The following DHCR24 variants were observed in gnomAD, a reference collection of about 807,000 sequenced individuals.
The protein encoded by DHCR24 is 24-dehydrocholesterol reductase, also known as delta(24)-sterol reductase.
A neutral mutation model predicts 61.2 loss-of-function variants in DHCR24; 28 were observed. That is an observed-to-expected ratio of 0.46 (90% confidence interval 0.34 to 0.63). DHCR24 has a LOEUF of 0.63. Ranked by LOEUF, DHCR24 falls within the 20% of genes least tolerant of loss-of-function variation. The pLI is 0.01. For synonymous variants in DHCR24, 261 were observed against 275.9 expected (o/e 0.95, Z 0.54); for missense variants, 538 against 679.1 (o/e 0.79, Z 2.31).
At chr1:54,881,132 A>T (rs1210486201) in intron 2 of DHCR24, among the ~76,000 whole-genome samples, 1 of 152,264 alleles carries the variant, frequency 6.6e-6, no homozygotes, top group Non-Finnish European at 1.5e-5. Flanking sequence ...CCAGGGCGAC[A>T]GAGTGAAACT....
At position 54,851,794 on chromosome 1, in the gene DHCR24, C is replaced by T. The variant is rs1216073602; in HGVS notation, c.*439G>A. 2 of 205,934 alleles carry T rather than the reference C, an allele frequency of 9.7e-6. No homozygotes were observed. Among genetic ancestry groups the T allele is most frequent in the African/African-American group, 4.7e-5 (2 of 42,948 alleles). The allele number at this position is 205,934 out of a possible 1,614,324, so 12.8% of individuals were successfully genotyped here. On this transcript the variant is annotated 3_prime_UTR_variant, in exon 9 of 9. Transcript: ENST00000371269. ...TCCAGCCATGGCTGTGCACAGGTGACCTAATGTGGAGCCTTTTCAGGCTCC... is the reference window on the plus strand; with the variant it reads ...TCCAGCCATGGCTGTGCACAGGTGATCTAATGTGGAGCCTTTTCAGGCTCC...
chr1:54,862,691 C>T (rs529826132), intron 6 of DHCR24, among the ~76,000 whole-genome samples: 3 of 152,246 alleles, frequency 2.0e-5, no homozygotes, highest in South Asian at 2.1e-4. Flanking sequence ...CCTGAAGTCC[C>T]GACACACGTC....
intron 2 of DHCR24, among the ~76,000 whole-genome samples, 169 bp from the exon 3 acceptor site, chr1:54,876,216 G>A (rs1447638327): frequency 6.6e-6 from 1 of 152,202 alleles, no homozygotes; most frequent in Non-Finnish European, 1.5e-5. Flanking sequence ...TACAGGGAAT[G>A]TGATTTCTGG....
chr1:54,853,387 C>A, intron 8 of DHCR24, 47 bp downstream of exon 8: 1 of 1,612,534 alleles, frequency 6.2e-7, no homozygotes, highest in Non-Finnish European at 8.5e-7. Context: ...GAGCAGTACC[C>A]TGGGGCTGTC....
At chr1:54,853,305 G>A (rs1290575453) in intron 8 of DHCR24, 129 bp downstream of exon 8, 14 of 1,209,394 alleles carry the variant, frequency 1.2e-5, no homozygotes, top group Non-Finnish European at 1.7e-5. Flanking sequence ...TGCCACAGCT[G>A]CAGGGGCCCT....
chr1:54,858,164 C>T (rs1038204604), intron 6 of DHCR24, among the ~76,000 whole-genome samples: 3 of 152,264 alleles, frequency 2.0e-5, no homozygotes, highest in African/African-American at 7.2e-5. Flanking sequence ...GGGAGGCACC[C>T]GTTCCCCCAG....
intron 6 of DHCR24, among the ~76,000 whole-genome samples, chr1:54,862,772 A>G (rs1646945625): frequency 6.6e-6 from 1 of 151,812 alleles, no homozygotes; most frequent in Admixed American, 6.6e-5. Flanking sequence ...CCCCTCCCCC[A>G]TGTTTCAAAT....
chr1:54,864,176 A>G (rs1179120194), intron 6 of DHCR24, among the ~76,000 whole-genome samples: 1 of 152,222 alleles, frequency 6.6e-6, no homozygotes, highest in African/African-American at 2.4e-5. Flanking sequence ...GAATTAGCAT[A>G]TGACCCAGCA....
Position 54,876,077 on chromosome 1 carries a change from C to A in DHCR24, c.388-30G>T. 1.9e-6 allele frequency: 3 copies of A among 1,585,472 alleles called. No individual in the cohort carries two copies. In the South Asian group the frequency reaches 3.3e-5, roughly 18 times the overall value. ...TGACACAAGAAAAGAGACCCTGGGTCAAAAGGAGGCTGCCAGGCCCAAGGG... is the reference window on the plus strand; with the variant it reads ...TGACACAAGAAAAGAGACCCTGGGTAAAAAGGAGGCTGCCAGGCCCAAGGG... On this transcript the variant is annotated intron_variant, in intron 2 of 8. Transcript: ENST00000371269.
At position 54,886,617 on chromosome 1, in the gene DHCR24, C is replaced by G. The variant is rs773494256; in HGVS notation, c.231+272G>C. 1.3e-5 allele frequency: 19 copies of G among 1,469,124 alleles called. No individual in the cohort carries two copies. In the South Asian group the frequency reaches 2.3e-4, roughly 18 times the overall value. 91.0% of individuals were successfully genotyped at this position (1,469,124 alleles called of 1,614,324 possible). A position where few individuals can be genotyped will look rare whatever the true frequency, so the allele number is the denominator to read the frequency against. Reference sequence around the variant, plus strand: ...AAATGCTTGGGCCGGGTGAGAGTTACCTGAGTGCTTCGCACCTCCCCCTCT... The same window carrying G: ...AAATGCTTGGGCCGGGTGAGAGTTAGCTGAGTGCTTCGCACCTCCCCCTCT... On this transcript the variant is annotated intron_variant, in intron 1 of 8. Transcript: ENST00000371269.
At chr1:54,879,027 T>G (rs1456091178) in intron 2 of DHCR24, among the ~76,000 whole-genome samples, 1 of 152,102 alleles carries the variant, frequency 6.6e-6, no homozygotes, top group East Asian at 1.9e-4. Context: ...AAGAATATAT[T>G]AAAAAGATCC....
chr1:54,871,240 C>A (rs953488049), intron 5 of DHCR24, 110 bp downstream of exon 5: 2 of 1,400,228 alleles, frequency 1.4e-6, no homozygotes, highest in Non-Finnish European at 2.0e-6. Context: ...TTGACCCAGG[C>A]AGCAGCCTTG....
intron 1 of DHCR24, chr1:54,886,596 G>A: frequency 7.0e-7 from 1 of 1,434,046 alleles, no homozygotes; most frequent in African/African-American, 1.4e-5. Flanking sequence ...TCTCTGAAAT[G>A]CTTGGGCCGG....
chr1:54,875,059 G>A, intron 4 of DHCR24, 34 bp downstream of exon 4: 1 of 1,578,948 alleles, frequency 6.3e-7, no homozygotes, highest in Non-Finnish European at 8.7e-7. Context: ...GCCCAGAGCA[G>A]GCTGGCATGG....
rs547267680 is a variant in DHCR24, at chr1:54,886,639, C to G, written c.231+250G>C. On this transcript the variant is annotated intron_variant, in intron 1 of 8. Transcript: ENST00000371269. Reference sequence around the variant, plus strand: ...TTACCTGAGTGCTTCGCACCTCCCCCTCTTCCCCTTCTTCATCTCCCTCCA... The same window carrying G: ...TTACCTGAGTGCTTCGCACCTCCCCGTCTTCCCCTTCTTCATCTCCCTCCA... 7.2e-4 allele frequency: 1,074 copies of G among 1,492,636 alleles called. 7 individuals carry two copies. The African/African-American group carries it at 0.013, about 18-fold the overall frequency. The allele number at this position is 1,492,636 out of a possible 1,614,324, so 92.5% of individuals were successfully genotyped here.
intron 5 of DHCR24, among the ~76,000 whole-genome samples, chr1:54,868,287 A>T (rs1317948039): frequency 2.6e-5 from 4 of 152,050 alleles, no homozygotes; most frequent in Non-Finnish European, 4.4e-5. Flanking sequence ...TGGCTAACAC[A>T]GTGAAACCCC....
At chr1:54,866,752 CCCACCCTGCTGGTAAGG>C (rs536180731) in intron 5 of DHCR24, among the ~76,000 whole-genome samples, 16 of 152,102 alleles carry the variant, frequency 1.1e-4, no homozygotes, top group Non-Finnish European at 2.9e-5. Flanking sequence ...CTTGTGCAGG[CCCACCCTGCTGGTAAGG>C]CCACCCTGCT....
chr1:54,862,964 T>C (rs547964219), intron 6 of DHCR24, among the ~76,000 whole-genome samples: 1 of 150,110 alleles, frequency 6.7e-6, no homozygotes, highest in Non-Finnish European at 1.5e-5. Flanking sequence ...TAGTCCCAGC[T>C]ACTTGGGAGG....
chr1:54,886,792 G>T, intron 1 of DHCR24, 97 bp downstream of exon 1: 2 of 1,283,734 alleles, frequency 1.6e-6, no homozygotes, highest in Admixed American at 3.0e-5. Context: ...AGTCCTGGCC[G>T]CCCCCGCACC....
Sources: allele counts gnomAD v4.1 joint callset (sites outside exome capture counted in the v4.1 genomes callset), GRCh38; gene constraint gnomAD v4.1.1; transcripts MANE v1.5; gene names NCBI Gene and HGNC (gene_info 2026-07-23, HGNC 2026-07-21).